The following FAM171A1 variants were observed in gnomAD, a reference collection of about 807,000 sequenced individuals.
FAM171A1 encodes the protein protein FAM171A1.
A neutral mutation model predicts 74.9 loss-of-function variants in FAM171A1; 23 were observed. That is an observed-to-expected ratio of 0.31 (90% CI 0.22 to 0.44). The LOEUF is 0.44. Ranked by LOEUF, FAM171A1 falls within the 20% of genes least tolerant of loss-of-function variation. FAM171A1 has a pLI of 1.00. For missense variants in FAM171A1, 1,162 were observed against 1,159.2 expected, an observed-to-expected ratio of 1.00 and a Z score of -0.03; for synonymous variants, 527 against 505.7, an observed-to-expected ratio of 1.04 and a Z score of -0.57.
At chr10:15,300,471 G>A (rs764926787) in intron 1 of FAM171A1, among the ~76,000 whole-genome samples, 79 of 152,148 alleles carry the variant, frequency 5.2e-4, no homozygotes, top group African/African-American at 1.7e-3. Context: ...ACTTTGTGAG[G>A]TGCCTGCTAG....
chr10:15,331,878 TAC>T lies in FAM171A1; in HGVS notation c.97+39076_97+39077del, dbSNP rs1240473113. Reference sequence around the variant, plus strand: ...ATGTGTGTATATATATGTGTGTGTATACATATATATATATATATGAAACAATT... The same window carrying T: ...ATGTGTGTATATATATGTGTGTGTATATATATATATATATATGAAACAATT... On this transcript the variant is annotated intron_variant, in intron 1 of 7. Transcript: ENST00000378116. Among the ~76,000 whole-genome samples the T allele has an allele frequency of 4.7e-3, 506 of 107,324 alleles. 15 individuals are homozygous for T. Among genetic ancestry groups the T allele is most frequent in the African/African-American group, 0.012 (262 of 22,162 alleles). 70.4% of individuals were successfully genotyped at this position (107,324 alleles called of 152,430 possible).
At chr10:15,220,114 A>G (rs1196510848) in intron 6 of FAM171A1, among the ~76,000 whole-genome samples, 2 of 152,234 alleles carry the variant, frequency 1.3e-5, no homozygotes, top group Non-Finnish European at 2.9e-5. Flanking sequence ...TAATCACAGC[A>G]CATTTCGACC....
chr10:15,297,200 A>G (rs1179173192), intron 1 of FAM171A1, among the ~76,000 whole-genome samples: 1 of 151,956 alleles, frequency 6.6e-6, no homozygotes, highest in African/African-American at 2.4e-5. Flanking sequence ...CTGGGATTAC[A>G]GGAGCACACC....
chr10:15,300,759 GT>G (rs1279119778), intron 1 of FAM171A1, among the ~76,000 whole-genome samples: 3 of 152,194 alleles, frequency 2.0e-5, no homozygotes, highest in African/African-American at 4.8e-5. Flanking sequence ...AAATGGGGTA[GT>G]GGCCCTGCCC....
chr10:15,260,768 T>TG (rs1434876498), intron 3 of FAM171A1, among the ~76,000 whole-genome samples: 2 of 152,160 alleles, frequency 1.3e-5, no homozygotes, highest in South Asian at 2.1e-4. Flanking sequence ...GTTCTTTGTT[T>TG]GGGGGTGTCC....
At chr10:15,308,606 T>C (rs1056734914) in intron 1 of FAM171A1, among the ~76,000 whole-genome samples, 9 of 151,652 alleles carry the variant, frequency 5.9e-5, no homozygotes, top group African/African-American at 2.2e-4. Flanking sequence ...GATTGCGCCA[T>C]TGCACTCCAG....
chr10:15,278,624 T>G (rs946512934), intron 2 of FAM171A1, among the ~76,000 whole-genome samples: 1 of 152,110 alleles, frequency 6.6e-6, no homozygotes, highest in Non-Finnish European at 1.5e-5. Context: ...CTTGGAAACA[T>G]CAGGCTGAGC....
intron 1 of FAM171A1, among the ~76,000 whole-genome samples, chr10:15,369,257 A>G (rs2131897015): frequency 7.0e-6 from 1 of 143,154 alleles, no homozygotes; most frequent in South Asian, 2.1e-4. Context: ...TCCTTTCTCT[A>G]ATTCAGAAGT....
intron 7 of FAM171A1, 107 bp from the exon 8 acceptor site, chr10:15,214,708 A>G (rs1028187696): frequency 7.0e-7 from 1 of 1,426,376 alleles, no homozygotes. Context: ...GGGAGAGACA[A>G]AACAAAACAA....
chr10:15,317,786 A>G (rs1017375908), intron 1 of FAM171A1, among the ~76,000 whole-genome samples: 2 of 152,056 alleles, frequency 1.3e-5, no homozygotes, highest in African/African-American at 4.8e-5. Flanking sequence ...ATTATTATTT[A>G]TTCAGGCACT....
At chr10:15,251,158 G>C (rs1834502292) in intron 4 of FAM171A1, among the ~76,000 whole-genome samples, 1 of 152,164 alleles carries the variant, frequency 6.6e-6, no homozygotes, top group South Asian at 2.1e-4. Flanking sequence ...AGTACACTCA[G>C]CTTGAAACAT....
chr10:15,295,694 G>C (rs987112029), intron 1 of FAM171A1, among the ~76,000 whole-genome samples: 15 of 152,172 alleles, frequency 9.9e-5, no homozygotes, highest in African/African-American at 3.6e-4. Context: ...GGGGAACCCA[G>C]CATTTTATGG....
chr10:15,281,818 G>A (rs1834974037), intron 2 of FAM171A1, among the ~76,000 whole-genome samples: 2 of 152,122 alleles, frequency 1.3e-5, no homozygotes, highest in South Asian at 2.1e-4. Context: ...CCAAGATCAC[G>A]CCACTGCATT....
chr10:15,233,130 T>C (rs999202230), intron 5 of FAM171A1, among the ~76,000 whole-genome samples: 1 of 151,754 alleles, frequency 6.6e-6, no homozygotes, highest in Non-Finnish European at 1.5e-5. Context: ...CCGTTTCTAC[T>C]AAAAAATACA....
chr10:15,236,103 T>C (rs562498409), intron 5 of FAM171A1, among the ~76,000 whole-genome samples: 12 of 152,278 alleles, frequency 7.9e-5, no homozygotes, highest in African/African-American at 2.9e-4. Context: ...TTAAAGTTAT[T>C]TGGAAGTTCA....
chr10:15,245,709 A>T (rs1834424060), intron 5 of FAM171A1, among the ~76,000 whole-genome samples: 1 of 152,066 alleles, frequency 6.6e-6, no homozygotes, highest in South Asian at 2.1e-4. Flanking sequence ...GCTCTTAACC[A>T]CACTCTCCGC....
At chr10:15,289,662 T>C (rs1036112297) in intron 1 of FAM171A1, among the ~76,000 whole-genome samples, 1 of 152,214 alleles carries the variant, frequency 6.6e-6, no homozygotes, top group African/African-American at 2.4e-5. Flanking sequence ...GACCTCTCCC[T>C]GTCTCCCTCA....
upstream of FAM171A1, among the ~76,000 whole-genome samples, chr10:15,372,994 C>T (rs568005353): frequency 6.6e-6 from 1 of 152,192 alleles, no homozygotes; most frequent in East Asian, 1.9e-4. Context: ...GAACACCAGG[C>T]CAGAAGGAGG....
chr10:15,309,043 G>A (rs1466869068), intron 1 of FAM171A1, among the ~76,000 whole-genome samples: 3 of 152,100 alleles, frequency 2.0e-5, no homozygotes, highest in Admixed American at 2.0e-4. Flanking sequence ...ATCTTAGCAT[G>A]AACAACTATT....
Sources: gnomAD v4.1 joint callset for allele counts (sites outside exome capture counted in the v4.1 genomes callset) on GRCh38, gnomAD v4.1.1 for gene constraint, MANE v1.5 for transcripts, NCBI Gene and HGNC (gene_info 2026-07-23, HGNC 2026-07-21) for gene names.